Variants in SNX9 observed in about 807,000 individuals in gnomAD.
SNX9 encodes sorting nexin 9, also known as sorting nexin-9.
Under a neutral mutation model 89.4 loss-of-function variants are expected in SNX9, and 44 were observed. That is an observed-to-expected ratio of 0.49 (90% CI 0.39 to 0.63). SNX9 has a LOEUF of 0.63. Among genes scored for constraint, SNX9 ranks in the 30% least tolerant of loss-of-function variants. The pLI, the probability that SNX9 is intolerant of heterozygous loss-of-function variation, is 0.00. For missense variants in SNX9, 578 were observed against 736.1 expected, an observed-to-expected ratio of 0.79 and a Z score of 2.49; for synonymous variants, 236 against 247.8, an observed-to-expected ratio of 0.95 and a Z score of 0.45.
chr6:157,931,304 G>T (rs886514470), intron 12 of SNX9, among the ~76,000 whole-genome samples: 2 of 152,216 alleles, frequency 1.3e-5, no homozygotes, highest in Non-Finnish European at 2.9e-5. Context: ...CATGTTTCCT[G>T]ATAACTGCAG....
intron 6 of SNX9, among the ~76,000 whole-genome samples, chr6:157,903,247 G>T (rs1251619684): frequency 6.6e-6 from 1 of 152,026 alleles, no homozygotes; most frequent in African/African-American, 2.4e-5. Flanking sequence ...ATGTTAATCT[G>T]TGTCTGGAAA....
In SNX9 at chr6:157,900,556, A is replaced by G. The variant is rs375444551; in HGVS notation, c.473-1342A>G. On this transcript the variant is annotated intron_variant, in intron 5 of 17. Coordinates refer to ENST00000392185, the MANE Select transcript of SNX9 (RefSeq NM_016224.5). ...TGCCTTCTGGTCCTGCAGTGCCAAC[A>G]ATGCACTGGATATACCAGCATTTAT... 1.6e-4 allele frequency among the ~76,000 whole-genome samples: 24 copies of G among 152,284 alleles called. No homozygotes were observed. The East Asian group carries it at 2.7e-3, about 17-fold the overall frequency.
intron 1 of SNX9, among the ~76,000 whole-genome samples, chr6:157,862,597 C>T (rs982340265): frequency 2.0e-5 from 3 of 152,110 alleles, no homozygotes; most frequent in African/African-American, 7.2e-5. Context: ...GATTTATATG[C>T]AATCAGAGAG....
chr6:157,931,424 G>A (rs1783808490), intron 12 of SNX9, among the ~76,000 whole-genome samples: 1 of 152,022 alleles, frequency 6.6e-6, no homozygotes, highest in African/African-American at 2.4e-5. Context: ...GCAAATAATG[G>A]TTTCTTTTGA....
intron 1 of SNX9, among the ~76,000 whole-genome samples, chr6:157,835,619 C>T (rs1010322698): frequency 2.0e-5 from 3 of 152,034 alleles, no homozygotes; most frequent in African/African-American, 7.2e-5. Context: ...CCAAGTGTCA[C>T]AGGAGGGACC....
intron 9 of SNX9, among the ~76,000 whole-genome samples, chr6:157,917,570 T>G (rs1783498418): frequency 6.6e-6 from 1 of 152,138 alleles, no homozygotes; most frequent in African/African-American, 2.4e-5. Context: ...TATACCTATA[T>G]CTCAGTATCT....
intron 1 of SNX9, among the ~76,000 whole-genome samples, chr6:157,837,580 T>A (rs1297596767): frequency 6.6e-6 from 1 of 152,198 alleles, no homozygotes; most frequent in Non-Finnish European, 1.5e-5. Flanking sequence ...TTTTTCCTGT[T>A]TGCCCACTTA....
At chr6:157,888,290 C>T (rs1327978120) in intron 4 of SNX9, among the ~76,000 whole-genome samples, 1 of 152,186 alleles carries the variant, frequency 6.6e-6, no homozygotes, top group Non-Finnish European at 1.5e-5. Flanking sequence ...GGCTGTATGA[C>T]TTGCATGATA....
Position 157,920,121 on chromosome 6 carries a change from T to C in SNX9, c.950-1410T>C, listed in dbSNP as rs143788800. 4.9e-3 allele frequency among the ~76,000 whole-genome samples: 748 copies of C among 152,350 alleles called. 3 individuals carry two copies. The highest frequency in any genetic ancestry group is 7.8e-3 in the Non-Finnish European group (528 of 68,034). On this transcript the variant is annotated intron_variant, in intron 9 of 17. Transcript: ENST00000392185. Reference sequence around the variant, plus strand: ...CTCTGTCAATGTAACTGTAACTCGATGTAACTCATTCAAAGCTCAGGTCAT... The same window carrying C: ...CTCTGTCAATGTAACTGTAACTCGACGTAACTCATTCAAAGCTCAGGTCAT...
chr6:157,845,806 G>T (rs1220636250), intron 1 of SNX9, among the ~76,000 whole-genome samples: 2 of 152,196 alleles, frequency 1.3e-5, no homozygotes, highest in African/African-American at 4.8e-5. Context: ...TTGGAGTATG[G>T]TTCTTGTGAA....
Position 157,823,427 on chromosome 6 carries a change from C to A in SNX9, c.-8C>A. 2.4e-6 allele frequency: 3 copies of A among 1,247,322 alleles called. No homozygotes were observed. The highest frequency in any genetic ancestry group is 3.0e-6 in the Non-Finnish European group (3 of 995,616). 77.3% of individuals were successfully genotyped at this position (1,247,322 alleles called of 1,614,324 possible). A position where few individuals can be genotyped will look rare whatever the true frequency, so the allele number is the denominator to read the frequency against. On this transcript the variant is annotated 5_prime_UTR_variant, in exon 1 of 18. Coordinates refer to ENST00000392185, the MANE Select transcript of SNX9 (RefSeq NM_016224.5). This position sits in a 1 kb window ranked among gnomAD's most constrained non-coding sequence, Gnocchi z 4.6. ...GCCGGCCGTCCCGGGCCGGGGGACC[C>A]GCCCGCCATGGCCACCAAGGTGAGG...
intron 4 of SNX9, among the ~76,000 whole-genome samples, chr6:157,876,328 T>G (rs1782520640): frequency 6.6e-6 from 1 of 152,128 alleles, no homozygotes; most frequent in Non-Finnish European, 1.5e-5. Flanking sequence ...GGCAGGCACC[T>G]GTAATCCAAG....
chr6:157,870,897 C>G (rs1379868522), intron 2 of SNX9, among the ~76,000 whole-genome samples: 1 of 152,250 alleles, frequency 6.6e-6, no homozygotes, highest in Non-Finnish European at 1.5e-5. Flanking sequence ...ACGCACACAC[C>G]CCTCAGACAC....
chr6:157,909,960 A>T lies in SNX9; in HGVS notation c.884A>T (p.Glu295Val). The stretch of plus-strand genomic sequence containing the variant: ...TATAAGCACTTTGACTGGTTATATG[A>T]GCGTCTCCTGGTTAAGTTTGGGTCA... ...HRYKHFDWLYERLLVKFGSAI... is the reference protein window; with the variant it reads ...HRYKHFDWLYVRLLVKFGSAI... The change falls in exon 9 of 18, where the codon GAG (glutamate) becomes GTG (valine). Residue 295 changes from glutamate to valine, a missense_variant. Glu to Val is a moderately radical substitution (Grantham distance 121). Transcript: ENST00000392185. 6.2e-7 allele frequency: 1 copy of T among 1,614,184 alleles called. No individual in the cohort carries two copies. The highest frequency in any genetic ancestry group is 8.5e-7 in the Non-Finnish European group (1 of 1,180,018).
chr6:157,870,991 C>T (rs1782397180), intron 2 of SNX9, among the ~76,000 whole-genome samples: 1 of 152,226 alleles, frequency 6.6e-6, no homozygotes, highest in Non-Finnish European at 1.5e-5. Flanking sequence ...GTGGCAGTGC[C>T]AAGATCGAGG....
At chr6:157,910,402 C>T (rs964371773) in intron 9 of SNX9, among the ~76,000 whole-genome samples, 5 of 152,006 alleles carry the variant, frequency 3.3e-5, no homozygotes, top group African/African-American at 1.2e-4. Context: ...AATGTATGAC[C>T]CACATGATGC....
chr6:157,888,047 C>T (rs187765192), intron 4 of SNX9, among the ~76,000 whole-genome samples: 145 of 142,242 alleles, frequency 1.0e-3, no homozygotes, highest in African/African-American at 3.9e-3. Context: ...TAAGAGCACA[C>T]ACCGGGAGAC....
chr6:157,844,611 T>TTTTTTTA (rs1781768879), intron 1 of SNX9, among the ~76,000 whole-genome samples: 1 of 150,792 alleles, frequency 6.6e-6, no homozygotes, highest in African/African-American at 2.5e-5. Flanking sequence ...TTTTTTTTTT[T>TTTTTTTA]GAGACAGAGT....
chr6:157,886,535 A>AT (rs755230124), intron 4 of SNX9, among the ~76,000 whole-genome samples: 1 of 152,238 alleles, frequency 6.6e-6, no homozygotes, highest in East Asian at 1.9e-4. Flanking sequence ...ACACACAAAC[A>AT]TACAGATATA....
Sources: allele counts gnomAD v4.1 joint callset (sites outside exome capture counted in the v4.1 genomes callset), GRCh38; gene constraint gnomAD v4.1.1; non-coding constraint Gnocchi (gnomAD v3.1); transcripts MANE v1.5; gene names NCBI Gene and HGNC (gene_info 2026-07-23, HGNC 2026-07-21).